The following ERBB4 variants were observed in gnomAD, a reference collection of about 807,000 sequenced individuals.
The protein encoded by ERBB4 is erb-b2 receptor tyrosine kinase 4.
In ERBB4, 42 loss-of-function variants were observed where a neutral mutation model predicts 158.0. The ratio of observed to expected loss-of-function variants is 0.27; its 90% CI spans 0.21 to 0.34. The LOEUF is 0.34. Among genes scored for constraint, ERBB4 ranks in the 10% least tolerant of loss-of-function variants. The probability of loss-of-function intolerance (pLI) is 1.00; values close to 1 mark genes in which losing one functional copy is unlikely to be tolerated. For missense variants in ERBB4, 1,333 were observed against 1,624.1 expected (o/e 0.82, Z 3.08); for synonymous variants, 583 against 558.7 (o/e 1.04, Z -0.61).
chr2:211,913,100 G>A (rs2079580693), intron 3 of ERBB4, among the ~76,000 whole-genome samples: 2 of 152,098 alleles, frequency 1.3e-5, no homozygotes, highest in African/African-American at 2.4e-5. Flanking sequence ...CATCTGTACA[G>A]GTTAAATAAA....
At chr2:211,878,449 T>C (rs2078569792) in intron 3 of ERBB4, among the ~76,000 whole-genome samples, 1 of 152,176 alleles carries the variant, frequency 6.6e-6, no homozygotes, top group African/African-American at 2.4e-5. Flanking sequence ...AGCATAGTGA[T>C]GAATTTCATA....
intron 3 of ERBB4, among the ~76,000 whole-genome samples, chr2:211,832,566 G>A (rs1449329413): frequency 7.1e-6 from 1 of 141,254 alleles, no homozygotes; most frequent in East Asian, 2.1e-4. Flanking sequence ...ATAAATATAT[G>A]TATGTGTGTG....
chr2:211,528,122 C>A (rs890045766), intron 20 of ERBB4, among the ~76,000 whole-genome samples: 1 of 151,900 alleles, frequency 6.6e-6, no homozygotes, highest in Non-Finnish European at 1.5e-5. Flanking sequence ...CACTCTTCAC[C>A]TATAAAGACA....
intron 3 of ERBB4, among the ~76,000 whole-genome samples, chr2:211,852,118 T>C (rs937963755): frequency 1.3e-5 from 2 of 151,954 alleles, no homozygotes; most frequent in Non-Finnish European, 2.9e-5. Context: ...TCAGTCTCTT[T>C]TGGGCTTTGA....
At chr2:212,434,287 CTGTT>C (rs2105951693) in intron 1 of ERBB4, among the ~76,000 whole-genome samples, 1 of 151,974 alleles carries the variant, frequency 6.6e-6, no homozygotes, top group Non-Finnish European at 1.5e-5. Context: ...TGACTGGACA[CTGTT>C]TGAATTACAG....
intron 1 of ERBB4, among the ~76,000 whole-genome samples, chr2:212,357,622 A>G (rs2089512294): frequency 6.6e-6 from 1 of 151,752 alleles, no homozygotes; most frequent in African/African-American, 2.4e-5. Context: ...CAGACACTGA[A>G]AATGGTCTCA....
rs2062494693 is a variant in ERBB4, at chr2:211,377,408, T to C, written c.*6207A>G. 4.3e-6 allele frequency: 1 copy of C among 232,830 alleles called. No homozygotes were observed. 14.4% of individuals were successfully genotyped at this position (232,830 alleles called of 1,614,324 possible). On this transcript the variant is annotated 3_prime_UTR_variant, in exon 28 of 28. Transcript: ENST00000342788. The stretch of plus-strand genomic sequence containing the variant: ...CTATATTTGTATATTTGCACAAATA[T>C]AACCACTTCTCATGATATAGGGAAA...
chr2:211,705,604 A>G (rs1451868024), intron 9 of ERBB4, among the ~76,000 whole-genome samples: 2 of 152,222 alleles, frequency 1.3e-5, no homozygotes, highest in Admixed American at 6.5e-5. Context: ...TTTTCATCAA[A>G]GCCTATTCCA....
chr2:211,449,270 T>C lies in ERBB4; in HGVS notation c.2488-18170A>G, dbSNP rs529353200. On this transcript the variant is annotated intron_variant, in intron 20 of 27. Coordinates refer to ENST00000342788, the MANE Select transcript of ERBB4 (RefSeq NM_005235.3). The stretch of plus-strand genomic sequence containing the variant: ...CCGTGTAATATTAGTAGCAGAATAC[T>C]GAAACTGGTATGAAAATAAGATGTT... 7.9e-5 allele frequency among the ~76,000 whole-genome samples: 12 copies of C among 152,312 alleles called. No individual in the cohort carries two copies. The East Asian group carries it at 2.3e-3, about 29-fold the overall frequency.
chr2:212,404,980 T>C (rs768990570), intron 1 of ERBB4, among the ~76,000 whole-genome samples: 1 of 152,070 alleles, frequency 6.6e-6, no homozygotes, highest in Admixed American at 6.6e-5. Context: ...AAATACATGA[T>C]CTCATTCTTT....
At position 212,501,690 on chromosome 2, in the gene ERBB4, C is replaced by T. The variant is rs545503331; in HGVS notation, c.82+36759G>A. Among the ~76,000 whole-genome samples the T allele has an allele frequency of 5.9e-5, 9 of 152,282 alleles. No individual in the cohort carries two copies. The South Asian group carries it at 1.2e-3, about 21-fold the overall frequency. On this transcript the variant is annotated intron_variant, in intron 1 of 27. Coordinates refer to ENST00000342788, the MANE Select transcript of ERBB4 (RefSeq NM_005235.3). Reference sequence around the variant, plus strand: ...AATCACTCTGCTACCTACCATTCATCGCCCACTGCAATGAAAAGGTTGAGC... The same window carrying T: ...AATCACTCTGCTACCTACCATTCATTGCCCACTGCAATGAAAAGGTTGAGC...
intron 20 of ERBB4, among the ~76,000 whole-genome samples, chr2:211,500,523 G>C (rs543377095): frequency 4.6e-5 from 7 of 152,032 alleles, no homozygotes; most frequent in African/African-American, 1.7e-4. Flanking sequence ...GTAATGTAAA[G>C]TCAATTTCCA....
rs573813921 is a variant in ERBB4, at chr2:211,993,683, T to C, written c.235-46067A>G. On this transcript the variant is annotated intron_variant, in intron 2 of 27. Coordinates refer to ENST00000342788, the MANE Select transcript of ERBB4 (RefSeq NM_005235.3). ...CCAAGCATACTATAATTTTTAAATA[T>C]TGGTATGACATTTTTGCCCCCGGTT... Among the ~76,000 whole-genome samples, 4 of 151,932 alleles carry C rather than the reference T, an allele frequency of 2.6e-5. No individual in the cohort carries two copies. The East Asian group carries it at 7.7e-4, about 29-fold the overall frequency.
intron 1 of ERBB4, among the ~76,000 whole-genome samples, chr2:212,216,928 AAAT>A (rs1475332752): frequency 1.3e-5 from 2 of 151,388 alleles, no homozygotes; most frequent in Non-Finnish European, 3.0e-5. Context: ...ATAGTTTAAA[AAAT>A]AAATTATGCA....
At chr2:212,498,902 A>G (rs993101043) in intron 1 of ERBB4, among the ~76,000 whole-genome samples, 3 of 152,046 alleles carry the variant, frequency 2.0e-5, no homozygotes, top group Admixed American at 1.3e-4. Flanking sequence ...AGTAACTACA[A>G]AAATATACTC....
intron 1 of ERBB4, among the ~76,000 whole-genome samples, chr2:212,233,963 T>TTTA (rs60130196): frequency 0.14 from 19,521 of 143,666 alleles, 1,392 homozygotes; most frequent in East Asian, 0.26. Context: ...CTTTGCATTA[T>TTTA]TTATTATTAT....
At chr2:211,720,060 C>T (rs2074045413) in intron 7 of ERBB4, among the ~76,000 whole-genome samples, 1 of 152,104 alleles carries the variant, frequency 6.6e-6, no homozygotes, top group South Asian at 2.1e-4. Flanking sequence ...TTGCATTCAA[C>T]ATCCAGTCCA....
At chr2:211,589,008 CAAG>C (rs1262757230) in intron 19 of ERBB4, among the ~76,000 whole-genome samples, 6 of 152,116 alleles carry the variant, frequency 3.9e-5, no homozygotes, top group African/African-American at 7.2e-5. Context: ...GTGGAAAATA[CAAG>C]AAGAAAATAA....
chr2:211,742,377 CTG>C (rs371631094), intron 5 of ERBB4, among the ~76,000 whole-genome samples: 2 of 152,294 alleles, frequency 1.3e-5, no homozygotes, highest in East Asian at 1.9e-4. Flanking sequence ...CTACAGGAAA[CTG>C]TTGAAAATTT....
Sources: gnomAD v4.1 joint callset for allele counts (sites outside exome capture counted in the v4.1 genomes callset) on GRCh38, gnomAD v4.1.1 for gene constraint, MANE v1.5 for transcripts, NCBI Gene and HGNC (gene_info 2026-07-23, HGNC 2026-07-21) for gene names.